Variants in MAP2K5 observed in about 807,000 individuals in gnomAD.
MAP2K5 encodes mitogen-activated protein kinase kinase 5, also known as dual specificity mitogen-activated protein kinase kinase 5.
In MAP2K5, 49 loss-of-function variants were observed where a neutral mutation model predicts 83.1. That is an observed-to-expected ratio of 0.59 (90% CI 0.47 to 0.75). MAP2K5 has a LOEUF of 0.75. MAP2K5 is among the 30% of genes least tolerant of loss of function. The pLI is 0.00. For missense variants in MAP2K5, 457 were observed against 557.5 expected (o/e 0.82, Z 1.82); for synonymous variants, 202 against 191.8 (o/e 1.05, Z -0.44).
intron 2 of MAP2K5, among the ~76,000 whole-genome samples, chr15:67,554,465 G>A (rs1230589794): frequency 6.6e-6 from 1 of 152,134 alleles, no homozygotes; most frequent in African/African-American, 2.4e-5. Flanking sequence ...CAAGAGATAG[G>A]GTAGCTGTCA....
chr15:67,543,404 C>G lies in MAP2K5; in HGVS notation c.69C>G (p.Ile23Met), dbSNP rs755346707. The change falls in exon 1 of 22, where the codon ATC becomes ATG. Residue 23 changes from isoleucine (I) to methionine (M), a missense_variant. Transcript: ENST00000178640. The surrounding 1 kb of genome is among the most constrained non-coding windows in gnomAD (Gnocchi z 4.3). ...AGGTGCTGGTAATTCGCATCAAGAT[C>G]CCAAATAGTGGCGCGGTGGACTGGA... Reference protein sequence around the residue: ...ENQVLVIRIKIPNSGAVDWTV... With the variant: ...ENQVLVIRIKMPNSGAVDWTV... 6.2e-7 allele frequency: 1 copy of G among 1,614,118 alleles called. No individual in the cohort carries two copies. The highest frequency in any genetic ancestry group is 1.1e-5 in the South Asian group (1 of 91,082).
At chr15:67,796,153 T>C (rs567380441) in intron 21 of MAP2K5, among the ~76,000 whole-genome samples, 1 of 152,378 alleles carries the variant, frequency 6.6e-6, no homozygotes, top group Admixed American at 6.5e-5. Flanking sequence ...GATTAATCAT[T>C]TATATTTATT....
rs546154321 is a variant in MAP2K5, at chr15:67,651,537, C to G, written c.736+5068C>G. 2.6e-5 allele frequency among the ~76,000 whole-genome samples: 4 copies of G among 152,244 alleles called. No homozygotes were observed. In the East Asian group the frequency reaches 7.7e-4, roughly 29 times the overall value. ...CTCTTTGTCCTTCCTTTCTCACTAC[C>G]CTTCTCAGTCTCTGGTAATCATCAC... On this transcript the variant is annotated intron_variant, in intron 11 of 21. Coordinates refer to ENST00000178640, the MANE Select transcript of MAP2K5 (RefSeq NM_145160.3).
rs1274260587 is a variant in MAP2K5 at position 67,549,040 on chromosome 15, G to T, written c.136-994G>T. The T allele has an allele frequency of 4.7e-6, 7 of 1,489,178 alleles. No individual in the cohort carries two copies. In the Admixed American group the frequency reaches 1.4e-4, roughly 29 times the overall value. 92.2% of individuals were successfully genotyped at this position (1,489,178 alleles called of 1,614,324 possible). On this transcript the variant is annotated intron_variant, in intron 1 of 21. Transcript: ENST00000178640. ...GCTAAGTGCCCTGCTTGGAAAGGCTGTGGGCTCCCTGCTGAGAAATACTGC... is the reference window on the plus strand; with the variant it reads ...GCTAAGTGCCCTGCTTGGAAAGGCTTTGGGCTCCCTGCTGAGAAATACTGC...
At chr15:67,597,602 T>C (rs79898373) in intron 7 of MAP2K5, among the ~76,000 whole-genome samples, 194 of 152,362 alleles carry the variant, frequency 1.3e-3, no homozygotes, top group East Asian at 8.3e-3. Flanking sequence ...TCTTATATAA[T>C]GAACACTCTT....
At chr15:67,699,447 G>A (rs1462687371) in intron 15 of MAP2K5, among the ~76,000 whole-genome samples, 1 of 152,208 alleles carries the variant, frequency 6.6e-6, no homozygotes, top group Non-Finnish European at 1.5e-5. Flanking sequence ...GGAAACTGAA[G>A]AGGAGGCATC....
intron 20 of MAP2K5, among the ~76,000 whole-genome samples, chr15:67,772,125 T>G (rs1404300175): frequency 6.6e-6 from 1 of 152,248 alleles, no homozygotes; most frequent in Non-Finnish European, 1.5e-5. Context: ...ATTATCAACT[T>G]GCCTTGTTGC....
Position 67,708,831 on chromosome 15 carries a change from T to G in MAP2K5, c.1044+5423T>G, listed in dbSNP as rs2088621449. Among the ~76,000 whole-genome samples, 1 of 152,188 alleles carries G rather than the reference T, an allele frequency of 6.6e-6. No homozygotes were observed. Among genetic ancestry groups the G allele is most frequent in the South Asian group, 2.1e-4 (1 of 4,832 alleles). On this transcript the variant is annotated intron_variant, in intron 16 of 21. Coordinates refer to ENST00000178640, the MANE Select transcript of MAP2K5 (RefSeq NM_145160.3). This position sits in a 1 kb window ranked among gnomAD's most constrained non-coding sequence, Gnocchi z 4.9. ...AAAAAAAACTCACTGACAGGTACATTTATGCCTTAAGCAAAGAAACTTTAA... is the reference window on the plus strand; with the variant it reads ...AAAAAAAACTCACTGACAGGTACATGTATGCCTTAAGCAAAGAAACTTTAA...
intron 9 of MAP2K5, among the ~76,000 whole-genome samples, chr15:67,645,751 C>T (rs576630686): frequency 6.6e-6 from 1 of 151,156 alleles, no homozygotes; most frequent in South Asian, 2.1e-4. Flanking sequence ...TGGGTTCTCG[C>T]TATGGTGCTT....
At position 67,703,598 on chromosome 15, in the gene MAP2K5, C is replaced by T. The variant is rs377208170; in HGVS notation, c.1044+190C>T. Among the ~76,000 whole-genome samples the T allele has an allele frequency of 3.9e-5, 6 of 152,274 alleles. No homozygotes were observed. In the East Asian group the frequency reaches 9.6e-4, roughly 24 times the overall value. ...ACTGACTCTGGAGGTTATTTTAAAG[C>T]ACTGTTTATTACAGATCACCTGTGT... is the stretch of plus-strand genomic sequence containing the variant. On this transcript the variant is annotated intron_variant, in intron 16 of 21. Coordinates refer to ENST00000178640, the MANE Select transcript of MAP2K5 (RefSeq NM_145160.3).
rs751460963 is a variant in MAP2K5, at chr15:67,724,937, G to A, written c.1045-2979G>A. Among the ~76,000 whole-genome samples the A allele has an allele frequency of 2.6e-5, 4 of 152,208 alleles. No individual in the cohort carries two copies. Among genetic ancestry groups the A allele is most frequent in the Non-Finnish European group, 5.9e-5 (4 of 68,044 alleles). Reference sequence around the variant, plus strand: ...AATTGCAGCGGTACCTACTAGTTAAGATCAAAGAACCATTCTCTGTCTTCT... The same window carrying A: ...AATTGCAGCGGTACCTACTAGTTAAAATCAAAGAACCATTCTCTGTCTTCT... On this transcript the variant is annotated intron_variant, in intron 16 of 21. Transcript: ENST00000178640. This position sits in a 1 kb window ranked among gnomAD's most constrained non-coding sequence, Gnocchi z 4.4.
chr15:67,769,617 C>A lies in MAP2K5; in HGVS notation c.1150C>A (p.Pro384Thr). 6.2e-7 allele frequency: 1 copy of A among 1,613,786 alleles called. No homozygotes were observed. Among genetic ancestry groups the A allele is most frequent in the Non-Finnish European group, 8.5e-7 (1 of 1,179,782 alleles). ...CIVDEDSPVLPVGEFSEPFVH... is the reference protein window; with the variant it reads ...CIVDEDSPVLTVGEFSEPFVH... ...TCCATCACAGGATTCGCCCGTCCTT[C>A]CAGTTGGAGAGTTCTCGGAGCCATT... The change falls in exon 20 of 22, where the codon CCA (proline) becomes ACA (threonine). Residue 384 changes from proline to threonine, a missense_variant. Around this residue, in one of 3 missense-constraint regions of MAP2K5, gnomAD observed 168 missense variants for 263.0 expected, o/e 0.64. Transcript: ENST00000178640. The surrounding 1 kb of genome is among the most constrained non-coding windows in gnomAD (Gnocchi z 5.2).
intron 21 of MAP2K5, among the ~76,000 whole-genome samples, chr15:67,789,342 G>A (rs2090474346): frequency 1.3e-5 from 2 of 152,116 alleles, no homozygotes; most frequent in Admixed American, 1.3e-4. Flanking sequence ...TACTGGATAT[G>A]AGAATGTTAG....
At chr15:67,597,181 A>G (rs1157275681) in intron 7 of MAP2K5, among the ~76,000 whole-genome samples, 4 of 138,540 alleles carry the variant, frequency 2.9e-5, no homozygotes, top group African/African-American at 2.8e-5. Context: ...AAAAGAAAAA[A>G]AAAAGAAAAA....
At chr15:67,600,535 G>A (rs2085632788) in intron 7 of MAP2K5, 150 bp from the exon 8 acceptor site, 1 of 627,840 alleles carries the variant, frequency 1.6e-6, no homozygotes. Flanking sequence ...TTTATAAATT[G>A]GACAGCAAAC....
chr15:67,699,780 C>T (rs1445101047), intron 15 of MAP2K5, among the ~76,000 whole-genome samples: 1 of 152,138 alleles, frequency 6.6e-6, no homozygotes, highest in Non-Finnish European at 1.5e-5. Context: ...TTTTAAGTGA[C>T]ATAGTAGATT....
chr15:67,559,241 A>G lies in MAP2K5; in HGVS notation c.185-4042A>G, dbSNP rs1046529131. 1.3e-5 allele frequency among the ~76,000 whole-genome samples: 2 copies of G among 152,188 alleles called. No homozygotes were observed. The highest frequency in any genetic ancestry group is 2.9e-5 in the Non-Finnish European group (2 of 68,028). ...AGGAGTGTGACAAATGACATATAAT[A>G]TATTGCCTTAACTTTCTGTAGCTCT... On this transcript the variant is annotated intron_variant, in intron 2 of 21. Coordinates refer to ENST00000178640, the MANE Select transcript of MAP2K5 (RefSeq NM_145160.3). This position sits in a 1 kb window ranked among gnomAD's most constrained non-coding sequence, Gnocchi z 4.7.
At chr15:67,626,288 C>G (rs563840120) in intron 8 of MAP2K5, among the ~76,000 whole-genome samples, 1 of 151,998 alleles carries the variant, frequency 6.6e-6, no homozygotes, top group Non-Finnish European at 1.5e-5. Context: ...TTTGGGAGGC[C>G]GAGGCTGGTA....
chr15:67,588,629 G>A (rs569614796), intron 6 of MAP2K5, among the ~76,000 whole-genome samples: 15 of 152,180 alleles, frequency 9.9e-5, no homozygotes, highest in Admixed American at 3.9e-4. Flanking sequence ...ATGAATGTAT[G>A]TATGAATTAC....
Sources: allele counts gnomAD v4.1 joint callset (sites outside exome capture counted in the v4.1 genomes callset), GRCh38; gene constraint gnomAD v4.1.1; regional missense constraint gnomAD v4.1.1; non-coding constraint Gnocchi (gnomAD v3.1); transcripts MANE v1.5; gene names NCBI Gene and HGNC (gene_info 2026-07-23, HGNC 2026-07-21).